The following ME3 variants were observed in gnomAD, a reference collection of about 807,000 sequenced individuals.
The protein encoded by ME3 is NADP-dependent malic enzyme, mitochondrial.
A neutral mutation model predicts 68.9 loss-of-function variants in ME3; 48 were observed. The ratio of observed to expected loss-of-function variants is 0.70; its 90% confidence interval spans 0.55 to 0.89. The LOEUF (loss-of-function observed/expected upper bound fraction) is 0.89. Ranked by LOEUF, ME3 falls within the 40% of genes least tolerant of loss-of-function variation. ME3 has a pLI of 0.00. For synonymous variants in ME3, 320 were observed against 318.8 expected (o/e 1.00, Z -0.04); for missense variants, 675 against 797.4 (o/e 0.85, Z 1.85).
At chr11:86,603,546 A>C (rs1197275315) in intron 2 of ME3, among the ~76,000 whole-genome samples, 1 of 152,228 alleles carries the variant, frequency 6.6e-6, no homozygotes, top group Admixed American at 6.5e-5. Flanking sequence ...GCGATTCCTC[A>C]GGGATCTAGA....
intron 2 of ME3, among the ~76,000 whole-genome samples, chr11:86,631,895 G>A (rs1944042449): frequency 6.6e-6 from 1 of 151,998 alleles, no homozygotes; most frequent in African/African-American, 2.4e-5. Flanking sequence ...ATCATGACCG[G>A]CTAATTTTTG....
At chr11:86,585,856 AAAG>A (rs1292899646) in intron 2 of ME3, among the ~76,000 whole-genome samples, 2 of 152,158 alleles carry the variant, frequency 1.3e-5, no homozygotes, top group African/African-American at 2.4e-5. Context: ...CAGCGGAAAG[AAAG>A]AAGGAGAACC....
At chr11:86,578,347 C>T (rs903159989) in intron 2 of ME3, among the ~76,000 whole-genome samples, 6 of 152,140 alleles carry the variant, frequency 3.9e-5, no homozygotes, top group Non-Finnish European at 8.8e-5. Flanking sequence ...AGCAACACAA[C>T]AGCACTTTGA....
At chr11:86,546,475 AACAG>A (rs775046916) in intron 4 of ME3, among the ~76,000 whole-genome samples, 1 of 152,352 alleles carries the variant, frequency 6.6e-6, no homozygotes, top group Non-Finnish European at 1.5e-5. Context: ...ACAAGAAATA[AACAG>A]ACAACCCCAT....
At chr11:86,636,167 G>T (rs1362055993) in intron 2 of ME3, among the ~76,000 whole-genome samples, 1 of 152,126 alleles carries the variant, frequency 6.6e-6, no homozygotes, top group African/African-American at 2.4e-5. Context: ...TGTGTTGGGG[G>T]CAGGGCGGGG....
chr11:86,658,170 G>A (rs909399780), intron 2 of ME3, among the ~76,000 whole-genome samples: 9 of 151,784 alleles, frequency 5.9e-5, no homozygotes, highest in African/African-American at 2.2e-4. Flanking sequence ...TGTCGCCCAG[G>A]CTGGAGTGCA....
At chr11:86,524,420 A>G (rs1197642674) in intron 4 of ME3, among the ~76,000 whole-genome samples, 1 of 152,192 alleles carries the variant, frequency 6.6e-6, no homozygotes, top group Non-Finnish European at 1.5e-5. Flanking sequence ...ATTTTTTTCC[A>G]CTGAATCATA....
At chr11:86,497,875 TAG>T in intron 6 of ME3, 86 bp downstream of exon 6, 1 of 1,407,972 alleles carries the variant, frequency 7.1e-7, no homozygotes. Flanking sequence ...CATTGCTGTG[TAG>T]ATATAACCAC....
At chr11:86,458,575 A>G (rs1460976550) in intron 8 of ME3, among the ~76,000 whole-genome samples, 1 of 152,184 alleles carries the variant, frequency 6.6e-6, no homozygotes, top group Non-Finnish European at 1.5e-5. Context: ...CTTCAGGACT[A>G]GGAACAGCCC....
intron 2 of ME3, among the ~76,000 whole-genome samples, chr11:86,595,306 T>TATATATATATATATATATATATAGAGAG (rs371436753): frequency 2.5e-5 from 2 of 79,792 alleles, no homozygotes; most frequent in African/African-American, 7.9e-5. Flanking sequence ...TATATATATA[T>TATATATATATATATATATATATAGAGAG]AGAGAGAGAG....
At chr11:86,465,286 G>A (rs1950419357) in intron 7 of ME3, 86 bp from the exon 8 acceptor site, 1 of 1,019,050 alleles carries the variant, frequency 9.8e-7, no homozygotes, top group African/African-American at 1.6e-5. Context: ...GGGGTGGGGA[G>A]GTGCAGGCCT....
chr11:86,526,657 T>C (rs1954774573), intron 4 of ME3, among the ~76,000 whole-genome samples: 1 of 152,178 alleles, frequency 6.6e-6, no homozygotes, highest in African/African-American at 2.4e-5. Context: ...TGGGTACCCC[T>C]GTGAGACAAA....
At chr11:86,450,031 G>A in intron 9 of ME3, 29 bp from the exon 10 acceptor site, 1 of 1,514,950 alleles carries the variant, frequency 6.6e-7, no homozygotes, top group Non-Finnish European at 9.1e-7. Flanking sequence ...TAGATGTTCA[G>A]ACACAGGGCA....
At chr11:86,511,180 TCTC>T (rs1350966749) in intron 4 of ME3, among the ~76,000 whole-genome samples, 1 of 152,244 alleles carries the variant, frequency 6.6e-6, no homozygotes, top group Non-Finnish European at 1.5e-5. Flanking sequence ...CTCTTGCCTC[TCTC>T]CTATTTTCTA....
At chr11:86,654,009 A>C (rs1047762670) in intron 2 of ME3, among the ~76,000 whole-genome samples, 21 of 152,330 alleles carry the variant, frequency 1.4e-4, no homozygotes, top group African/African-American at 4.8e-4. Flanking sequence ...AAATGGATAA[A>C]TTCCTCGACA....
chr11:86,578,357 A>G (rs1202220306), intron 2 of ME3, among the ~76,000 whole-genome samples: 1 of 152,134 alleles, frequency 6.6e-6, no homozygotes, highest in Non-Finnish European at 1.5e-5. Flanking sequence ...CAGCACTTTG[A>G]TGGACTCAGC....
At chr11:86,456,416 C>T (rs985573706) in intron 8 of ME3, among the ~76,000 whole-genome samples, 1 of 152,092 alleles carries the variant, frequency 6.6e-6, no homozygotes, top group African/African-American at 2.4e-5. Context: ...CACAGAAATT[C>T]GGTGCTGGAT....
intron 4 of ME3, among the ~76,000 whole-genome samples, chr11:86,551,437 T>C (rs1365849745): frequency 6.6e-6 from 1 of 152,178 alleles, no homozygotes; most frequent in Non-Finnish European, 1.5e-5. Flanking sequence ...GTGCCCCTCC[T>C]GGGTGCAGAC....
At chr11:86,632,342 C>A (rs897580446) in intron 2 of ME3, among the ~76,000 whole-genome samples, 2 of 151,818 alleles carry the variant, frequency 1.3e-5, no homozygotes, top group African/African-American at 2.4e-5. Context: ...AGAAGGGAGA[C>A]AAAATGGCCA....
Sources: gnomAD v4.1 joint callset for allele counts (sites outside exome capture counted in the v4.1 genomes callset) on GRCh38, gnomAD v4.1.1 for gene constraint, MANE v1.5 for transcripts, NCBI Gene and HGNC (gene_info 2026-07-23, HGNC 2026-07-21) for gene names.